Variants in SLC24A2 observed in about 807,000 individuals in gnomAD.
SLC24A2 encodes sodium/potassium/calcium exchanger 2.
In SLC24A2, 36 loss-of-function variants were observed where a neutral mutation model predicts 62.0. The observed-to-expected ratio is 0.58, with a 90% CI of 0.44 to 0.77. SLC24A2 has a LOEUF of 0.77. Ranked by LOEUF, SLC24A2 falls within the 30% of genes least tolerant of loss-of-function variation. The probability of loss-of-function intolerance (pLI) is 0.00; values close to 1 mark genes in which losing one functional copy is unlikely to be tolerated. For synonymous variants in SLC24A2, 358 were observed against 294.0 expected, an observed-to-expected ratio of 1.22 and a Z score of -2.23; for missense variants, 846 against 817.9, an observed-to-expected ratio of 1.03 and a Z score of -0.42.
intron 7 of SLC24A2, among the ~76,000 whole-genome samples, chr9:19,565,789 A>G (rs1327180162): frequency 6.6e-6 from 1 of 152,218 alleles, no homozygotes; most frequent in African/African-American, 2.4e-5. Context: ...GGAACAGAAC[A>G]GAGCCCCCAC....
the SLC24A2 span, among the ~76,000 whole-genome samples, chr9:19,835,005 C>G: frequency 1.1e-4 from 17 of 152,112 alleles, no homozygotes; most frequent in Admixed American, 3.3e-4. Flanking sequence ...AAATAAAATA[C>G]TTTACAGACA....
chr9:19,807,015 CAT>C, the SLC24A2 span, among the ~76,000 whole-genome samples: 1 of 152,158 alleles, frequency 6.6e-6, no homozygotes, highest in East Asian at 1.9e-4. Context: ...CACAAAATCA[CAT>C]GTCAAAACAG....
intron 2 of SLC24A2, among the ~76,000 whole-genome samples, chr9:19,645,859 A>G (rs1818625014): frequency 6.6e-6 from 1 of 152,244 alleles, no homozygotes; most frequent in Non-Finnish European, 1.5e-5. Context: ...ATTTTTAAAG[A>G]AGAAGAAAAG....
At chr9:19,959,913 A>G in the SLC24A2 span, among the ~76,000 whole-genome samples, 2 of 152,222 alleles carry the variant, frequency 1.3e-5, no homozygotes, top group East Asian at 3.8e-4. Flanking sequence ...AGAAAGGGAA[A>G]AAGTTTATAC....
chr9:20,302,879 G>A, the SLC24A2 span, among the ~76,000 whole-genome samples: 1 of 152,158 alleles, frequency 6.6e-6, no homozygotes, highest in African/African-American at 2.4e-5. Flanking sequence ...CATTGAGGTT[G>A]AGATTTTCAC....
intron 2 of SLC24A2, among the ~76,000 whole-genome samples, chr9:19,710,484 G>A (rs1027321379): frequency 7.2e-5 from 11 of 152,122 alleles, no homozygotes; most frequent in African/African-American, 1.9e-4. Context: ...AGTAGGTCTC[G>A]GCCAGGAATA....
At chr9:19,941,590 T>TGTGTGTGTGAGAGA in the SLC24A2 span, among the ~76,000 whole-genome samples, 127 of 127,978 alleles carry the variant, frequency 9.9e-4, 1 homozygote, top group Admixed American at 1.6e-3. Flanking sequence ...TGTGTGTGTG[T>TGTGTGTGTGAGAGA]GAGAGAGAGA....
the SLC24A2 span, among the ~76,000 whole-genome samples, chr9:20,023,499 C>G: frequency 6.6e-6 from 1 of 152,092 alleles, no homozygotes. Context: ...CATTGGTGAC[C>G]TCAGATTTCA....
At chr9:20,276,457 G>A in the SLC24A2 span, among the ~76,000 whole-genome samples, 7 of 152,324 alleles carry the variant, frequency 4.6e-5, no homozygotes, top group Admixed American at 4.6e-4. Context: ...CTGTGGCTTT[G>A]CAGGGTACAG....
chr9:20,081,194 C>G, the SLC24A2 span, among the ~76,000 whole-genome samples: 1 of 152,006 alleles, frequency 6.6e-6, no homozygotes, highest in Non-Finnish European at 1.5e-5. Flanking sequence ...TTTATTGCGG[C>G]ACTATTCACA....
chr9:20,067,468 C>G, the SLC24A2 span, among the ~76,000 whole-genome samples: 1 of 152,004 alleles, frequency 6.6e-6, no homozygotes, highest in Admixed American at 6.6e-5. Flanking sequence ...GTGCAGGTTT[C>G]TTACATGGGT....
the SLC24A2 span, among the ~76,000 whole-genome samples, chr9:20,142,837 C>G: frequency 6.6e-6 from 1 of 152,264 alleles, no homozygotes; most frequent in East Asian, 1.9e-4. Flanking sequence ...CTCAAGTTAT[C>G]CACCCACCTT....
chr9:20,104,828 G>C, the SLC24A2 span, among the ~76,000 whole-genome samples: 1 of 152,126 alleles, frequency 6.6e-6, no homozygotes, highest in Non-Finnish European at 1.5e-5. Context: ...CATAATGACA[G>C]GATCAAACTC....
At chr9:20,149,182 T>C in the SLC24A2 span, among the ~76,000 whole-genome samples, 3 of 151,986 alleles carry the variant, frequency 2.0e-5, no homozygotes, top group Non-Finnish European at 4.4e-5. Flanking sequence ...AGCTTCCAAC[T>C]GCAATATCCA....
chr9:20,097,963 C>T, the SLC24A2 span, among the ~76,000 whole-genome samples: 2 of 151,612 alleles, frequency 1.3e-5, no homozygotes, highest in African/African-American at 2.4e-5. Context: ...AGTATGGTCT[C>T]GATCTCCTGA....
chr9:19,550,040 C>G, intron 8 of SLC24A2, 97 bp downstream of exon 8: 9 of 1,264,114 alleles, frequency 7.1e-6, no homozygotes, highest in Non-Finnish European at 8.1e-6. Flanking sequence ...TACAAGTGTA[C>G]TTCCTTTTTC....
chr9:20,288,892 A>G, the SLC24A2 span, among the ~76,000 whole-genome samples: 1 of 152,198 alleles, frequency 6.6e-6, no homozygotes, highest in Non-Finnish European at 1.5e-5. Context: ...CACAGGCCAC[A>G]TGAAGAGGTC....
the SLC24A2 span, among the ~76,000 whole-genome samples, chr9:20,077,454 C>T: frequency 0.05 from 7,637 of 151,968 alleles, 624 homozygotes; most frequent in African/African-American, 0.17. Context: ...TGTTTTAAAA[C>T]AAAGTAGCTA....
At chr9:20,212,987 A>C in the SLC24A2 span, among the ~76,000 whole-genome samples, 2 of 151,866 alleles carry the variant, frequency 1.3e-5, no homozygotes, top group African/African-American at 4.9e-5. Flanking sequence ...ACATAGACAC[A>C]GGGACGGGAA....
Sources: allele counts gnomAD v4.1 joint callset (sites outside exome capture counted in the v4.1 genomes callset), GRCh38; gene constraint gnomAD v4.1.1; transcripts MANE v1.5; gene names NCBI Gene and HGNC (gene_info 2026-07-23, HGNC 2026-07-21).